Variants in NELL2 observed in about 807,000 individuals in gnomAD.
The protein encoded by NELL2 is neural EGFL like 2.
NELL2 carries 41 observed loss-of-function variants against 109.6 expected under a neutral mutation model. That is an observed-to-expected ratio of 0.37 (90% CI 0.29 to 0.49). The LOEUF is 0.49. NELL2 is among the 20% of genes least tolerant of loss of function. NELL2 has a pLI of 0.98. For synonymous variants in NELL2, 355 were observed against 344.7 expected, an observed-to-expected ratio of 1.03 and a Z score of -0.33; for missense variants, 900 against 1,008.3, an observed-to-expected ratio of 0.89 and a Z score of 1.45.
At chr12:44,733,062 A>G (rs1939453467) in intron 9 of NELL2, among the ~76,000 whole-genome samples, 1 of 152,014 alleles carries the variant, frequency 6.6e-6, no homozygotes, top group Admixed American at 6.6e-5. Flanking sequence ...AAAAACAGAA[A>G]ATAACAAGTG....
intron 1 of NELL2, among the ~76,000 whole-genome samples, chr12:44,919,222 G>C (rs755112374): frequency 1.7e-4 from 26 of 152,042 alleles, no homozygotes; most frequent in Non-Finnish European, 2.8e-4. Context: ...CCAGCAAAGA[G>C]AGGAAAAAAT....
intron 19 of NELL2, among the ~76,000 whole-genome samples, chr12:44,511,358 TAGAG>T (rs1464048133): frequency 6.6e-6 from 1 of 152,088 alleles, no homozygotes; most frequent in African/African-American, 2.4e-5. Flanking sequence ...TTGAAAGCAA[TAGAG>T]AGTGTCAGGC....
intron 1 of NELL2, among the ~76,000 whole-genome samples, chr12:44,913,563 A>G (rs1287147087): frequency 1.3e-5 from 2 of 152,178 alleles, no homozygotes; most frequent in African/African-American, 4.8e-5. Flanking sequence ...TTGGGAGGTC[A>G]AGGTAGGATT....
At chr12:44,567,648 A>G (rs868753587) in intron 15 of NELL2, among the ~76,000 whole-genome samples, 2 of 152,220 alleles carry the variant, frequency 1.3e-5, no homozygotes, top group Non-Finnish European at 2.9e-5. Context: ...GCATTCTATT[A>G]TATGACACTA....
chr12:44,625,968 G>GA (rs113259665), intron 13 of NELL2, among the ~76,000 whole-genome samples: 33 of 150,152 alleles, frequency 2.2e-4, no homozygotes, highest in African/African-American at 6.6e-4. Flanking sequence ...AAGGTAATTG[G>GA]AAAAAAAAAT....
chr12:44,920,778 G>T (rs268035), intron 1 of NELL2, among the ~76,000 whole-genome samples: 2,766 of 152,160 alleles, frequency 0.018, 100 homozygotes, highest in African/African-American at 0.063. Context: ...CTTTTAATTA[G>T]TCTTATATTT....
At chr12:44,730,579 G>A (rs116060979) in intron 9 of NELL2, among the ~76,000 whole-genome samples, 4,027 of 152,030 alleles carry the variant, frequency 0.026, 176 homozygotes, top group African/African-American at 0.091. Context: ...AAAATACCTT[G>A]AGACAAAGAA....
At chr12:44,702,962 G>T (rs1347203870) in intron 12 of NELL2, among the ~76,000 whole-genome samples, 1 of 152,164 alleles carries the variant, frequency 6.6e-6, no homozygotes, top group Non-Finnish European at 1.5e-5. Context: ...TGTGGAGTGG[G>T]TAAGTTTAGA....
intron 1 of NELL2, 70 bp from the exon 2 acceptor site, chr12:44,875,423 G>A (rs755336654): frequency 4.4e-5 from 71 of 1,613,818 alleles, no homozygotes; most frequent in Non-Finnish European, 5.9e-5. Context: ...TCTTCCTCCA[G>A]GGCAGCAAAG....
upstream of NELL2, chr12:44,876,777 C>A (rs1945340824): frequency 5.7e-6 from 8 of 1,414,822 alleles, no homozygotes; most frequent in East Asian, 1.6e-4. Context: ...GGGCACTCCC[C>A]CTCCAGGGCG....
At chr12:44,620,862 T>C (rs1381128526) in intron 13 of NELL2, among the ~76,000 whole-genome samples, 1 of 152,150 alleles carries the variant, frequency 6.6e-6, no homozygotes, top group Non-Finnish European at 1.5e-5. Context: ...GTCTCCAGTT[T>C]GGTGCACTTT....
Position 44,870,401 on chromosome 12 carries a change from C to T in NELL2, c.184+4824G>A, listed in dbSNP as rs143430433. ...TTCCATATTTTTTAGGTATTTCTTA[C>T]ACCAGCACCACACTTCCATGCAGGA... On this transcript the variant is annotated intron_variant, in intron 2 of 19. Coordinates refer to ENST00000429094, the MANE Select transcript of NELL2 (RefSeq NM_001145108.2). Among the ~76,000 whole-genome samples the T allele has an allele frequency of 3.7e-3, 561 of 152,266 alleles. 1 individual carries two copies. The highest frequency in any genetic ancestry group is 0.013 in the African/African-American group (537 of 41,556).
chr12:44,790,464 C>G (rs188407285), intron 3 of NELL2, among the ~76,000 whole-genome samples: 1 of 152,256 alleles, frequency 6.6e-6, no homozygotes, highest in African/African-American at 2.4e-5. Context: ...ATTACAAGTA[C>G]TGCTAAAAGG....
chr12:44,918,517 ATGTGTGTGTGTGTGTGTGTGTGTG>A (rs10589306), upstream of NELL2, among the ~76,000 whole-genome samples: 4 of 123,884 alleles, frequency 3.2e-5, no homozygotes, highest in South Asian at 2.6e-4. Context: ...GCATGCATGT[ATGTGTGTGTGTGTGTGTGTGTGTG>A]TGTGTGTGTG....
In NELL2 at chr12:44,875,278, C is replaced by T. The variant is rs1195679661; in HGVS notation, c.131G>A (p.Gly44Glu). The T allele has an allele frequency of 3.1e-6, 5 of 1,614,026 alleles. No individual in the cohort carries two copies. The highest frequency in any genetic ancestry group is 4.2e-6 in the Non-Finnish European group (5 of 1,180,040). ...TELELGESTTGVRQVPGLHNG... is the reference protein window; with the variant it reads ...TELELGESTTEVRQVPGLHNG... ...ATGCAGCCCCGGGACCTGACGCACT[C>T]CGGTCGTGGACTCCCCAAGTTCTAA... The change falls in exon 2 of 20, where the codon GGA (glycine) becomes GAA (glutamate). Residue 44 changes from glycine (G) to glutamate (E), a missense_variant. This residue lies in a region of NELL2 where 200 missense variants were observed against 191.8 expected (regional missense o/e 1.04). Transcript: ENST00000429094.
chr12:44,519,912 A>C (rs1384151449), intron 19 of NELL2, 93 bp downstream of exon 19: 2 of 1,127,556 alleles, frequency 1.8e-6, no homozygotes, highest in Non-Finnish European at 1.3e-6. Flanking sequence ...AAAAAAAAAA[A>C]ACCTTCCTAT....
At chr12:44,794,847 G>GA (rs1431657761) in intron 3 of NELL2, among the ~76,000 whole-genome samples, 1 of 151,930 alleles carries the variant, frequency 6.6e-6, no homozygotes, top group East Asian at 1.9e-4. Flanking sequence ...ACCCTAAATT[G>GA]AAAATCACAT....
At chr12:44,636,127 T>C (rs1946627459) in intron 13 of NELL2, among the ~76,000 whole-genome samples, 1 of 152,220 alleles carries the variant, frequency 6.6e-6, no homozygotes, top group Non-Finnish European at 1.5e-5. Context: ...TTTTTGCACA[T>C]TGATTTTGTA....
intron 1 of NELL2, chr12:44,921,663 G>A (rs1945869016): frequency 6.6e-6 from 1 of 152,174 alleles, no homozygotes; most frequent in Non-Finnish European, 1.5e-5. Flanking sequence ...AGTGCTAATG[G>A]AGTTCAAAAG....
Sources: allele counts gnomAD v4.1 joint callset (sites outside exome capture counted in the v4.1 genomes callset), GRCh38; gene constraint gnomAD v4.1.1; regional missense constraint gnomAD v4.1.1; transcripts MANE v1.5; gene names NCBI Gene and HGNC (gene_info 2026-07-23, HGNC 2026-07-21).